ZNF704: variants seen among roughly 807,000 people sequenced by gnomAD.
ZNF704 encodes glucocorticoid induced gene 1.
In ZNF704, 10 loss-of-function variants were observed where a neutral mutation model predicts 44.7. That is an observed-to-expected ratio of 0.22 (90% CI 0.14 to 0.38). The LOEUF (loss-of-function observed/expected upper bound fraction) is 0.38. ZNF704 is among the 10% of genes least tolerant of loss of function. The pLI is 1.00. For synonymous variants in ZNF704, 211 were observed against 207.6 expected, an observed-to-expected ratio of 1.02 and a Z score of -0.14; for missense variants, 390 against 545.5, an observed-to-expected ratio of 0.71 and a Z score of 2.84.
intron 4 of ZNF704, among the ~76,000 whole-genome samples, chr8:80,671,286 C>T (rs1490219143): frequency 6.6e-6 from 1 of 152,164 alleles, no homozygotes; most frequent in African/African-American, 2.4e-5. Context: ...TGCCACCATG[C>T]CTAGCTAATT....
chr8:80,708,863 A>G (rs1425779405), intron 2 of ZNF704, among the ~76,000 whole-genome samples: 2 of 150,542 alleles, frequency 1.3e-5, no homozygotes, highest in Non-Finnish European at 3.0e-5. Context: ...GTTTTGAATT[A>G]TTAGGAAGGC....
rs5892743 is a variant in ZNF704, at chr8:80,866,721, T to TGG, written c.-22+7848_-22+7849dup. On this transcript the variant is annotated intron_variant, in intron 1 of 8. Coordinates refer to ENST00000327835, the MANE Select transcript of ZNF704 (RefSeq NM_001033723.3). ...CTCCTCTAAGCCCCTCTTGCGGGGT[T>TGG]GGGGGGGGGATACATTAATCTAACT... 6.3e-3 allele frequency among the ~76,000 whole-genome samples: 950 copies of TGG among 150,778 alleles called. 5 individuals carry two copies. Among genetic ancestry groups the TGG allele is most frequent in the African/African-American group, 0.016 (676 of 41,100 alleles).
rs1279972203 is a variant in ZNF704, at chr8:80,659,628, C to G, written c.989G>C (p.Ser330Thr). The change falls in exon 7 of 9, where the codon AGC becomes ACC. Residue 330 changes from serine to threonine, a missense_variant. Physicochemically the swap from Ser to Thr is moderately conservative, Grantham distance 58. Coordinates refer to ENST00000327835, the MANE Select transcript of ZNF704 (RefSeq NM_001033723.3). ...GACCGGAGGAGATTGCCAGGAAATG[C>G]TGAAGCTGCTGCCATTGGGGGTGAA... is the stretch of plus-strand genomic sequence containing the variant. ...AKFTPNGSSF[S>T]ISWQSPPVTF... is the part of the protein sequence containing the mutation. 6.2e-7 allele frequency: 1 copy of G among 1,613,810 alleles called. No homozygotes were observed. Among genetic ancestry groups the G allele is most frequent in the Non-Finnish European group, 8.5e-7 (1 of 1,179,930 alleles).
chr8:80,882,057 T>C, the ZNF704 span, among the ~76,000 whole-genome samples: 1 of 152,234 alleles, frequency 6.6e-6, no homozygotes, highest in Non-Finnish European at 1.5e-5. Context: ...TTTCACCACA[T>C]CTTGCTATGT....
At chr8:80,829,004 C>T (rs1586058542) in intron 1 of ZNF704, among the ~76,000 whole-genome samples, 3 of 152,272 alleles carry the variant, frequency 2.0e-5, no homozygotes, top group Admixed American at 2.0e-4. Context: ...CAGACATATA[C>T]CCAGCTCCAC....
Position 80,635,023 on chromosome 8 carries a change from T to G in ZNF704, c.*6343A>C, listed in dbSNP as rs1817644849. ...AAGTGTGCAGATTCTAAAGCCTATTTGAAACCAAGGTCTGAGTGACCTTCT... is the reference window on the plus strand; with the variant it reads ...AAGTGTGCAGATTCTAAAGCCTATTGGAAACCAAGGTCTGAGTGACCTTCT... On this transcript the variant is annotated 3_prime_UTR_variant, in exon 9 of 9. Coordinates refer to ENST00000327835, the MANE Select transcript of ZNF704 (RefSeq NM_001033723.3). 6.6e-6 allele frequency: 1 copy of G among 152,212 alleles called. No homozygotes were observed. Among genetic ancestry groups the G allele is most frequent in the African/African-American group, 2.4e-5 (1 of 41,452 alleles). The allele number at this position is 152,212 out of a possible 1,614,324, so 9.4% of individuals were successfully genotyped here. A position where few individuals can be genotyped will look rare whatever the true frequency, so the allele number is the denominator to read the frequency against.
chr8:80,719,188 C>A (rs187454092), intron 2 of ZNF704, among the ~76,000 whole-genome samples: 1 of 152,066 alleles, frequency 6.6e-6, no homozygotes, highest in Non-Finnish European at 1.5e-5. Flanking sequence ...GTTGCCCAGG[C>A]TGCTCTCAAA....
Position 80,654,719 on chromosome 8 carries a change from AG to A in ZNF704, c.1032+4865del, listed in dbSNP as rs1384531613. 1.1e-4 allele frequency among the ~76,000 whole-genome samples: 16 copies of A among 152,344 alleles called. No homozygotes were observed. In the South Asian group the frequency reaches 1.5e-3, roughly 14 times the overall value. ...GGTGCTGGAGAGGATGTGGAGAAAC[AG>A]GAACACTTTTACACTGTTGGTGGGA... On this transcript the variant is annotated intron_variant, in intron 7 of 8. Transcript: ENST00000327835.
chr8:80,726,509 T>C (rs529679369), intron 2 of ZNF704, among the ~76,000 whole-genome samples: 1 of 152,234 alleles, frequency 6.6e-6, no homozygotes, highest in African/African-American at 2.4e-5. Flanking sequence ...AAAAATAACA[T>C]CCTTTTCTGT....
chr8:80,735,582 C>T (rs59232569), intron 2 of ZNF704, among the ~76,000 whole-genome samples: 6,258 of 152,252 alleles, frequency 0.041, 451 homozygotes, highest in African/African-American at 0.14. Flanking sequence ...AGCGATGAGC[C>T]TGCTTAGCCC....
intron 1 of ZNF704, among the ~76,000 whole-genome samples, chr8:80,869,815 G>T (rs1809219890): frequency 6.6e-6 from 1 of 152,204 alleles, no homozygotes; most frequent in Admixed American, 6.5e-5. Context: ...CCATCTTGCT[G>T]GCAGGCAGGC....
chr8:80,746,643 C>T (rs149699531), intron 2 of ZNF704, among the ~76,000 whole-genome samples: 2 of 152,264 alleles, frequency 1.3e-5, no homozygotes, highest in African/African-American at 2.4e-5. Flanking sequence ...ATAGAACCTA[C>T]GTTTTCAAGT....
chr8:80,848,781 A>T (rs559902343), intron 1 of ZNF704, among the ~76,000 whole-genome samples: 1 of 152,216 alleles, frequency 6.6e-6, no homozygotes, highest in East Asian at 1.9e-4. Context: ...TCAAAAAAAA[A>T]GTTTTAAAAA....
intron 2 of ZNF704, among the ~76,000 whole-genome samples, chr8:80,783,779 C>G (rs1387842026): frequency 6.6e-6 from 1 of 152,098 alleles, no homozygotes; most frequent in East Asian, 1.9e-4. Context: ...AGGGGTCACT[C>G]TTGGTATTGT....
At chr8:80,784,987 C>G (rs545435978) in intron 2 of ZNF704, among the ~76,000 whole-genome samples, 29 of 152,308 alleles carry the variant, frequency 1.9e-4, no homozygotes, top group African/African-American at 6.5e-4. Context: ...TTTGTCACAA[C>G]TAATGAAACA....
chr8:80,783,300 T>C (rs941863750), intron 2 of ZNF704, among the ~76,000 whole-genome samples: 1 of 152,238 alleles, frequency 6.6e-6, no homozygotes, highest in East Asian at 1.9e-4. Context: ...ATTTAAATTA[T>C]GTGACTTTAG....
chr8:80,858,059 G>A (rs1223004814), intron 1 of ZNF704, among the ~76,000 whole-genome samples: 2 of 152,092 alleles, frequency 1.3e-5, no homozygotes, highest in African/African-American at 2.4e-5. Context: ...TTTAGTCACA[G>A]AAAAGTAATA....
chr8:80,634,155 C>T lies in ZNF704; in HGVS notation c.*7211G>A, dbSNP rs117202106. 1 of 152,186 alleles carries T rather than the reference C, an allele frequency of 6.6e-6. No homozygotes were observed. The highest frequency in any genetic ancestry group is 1.5e-5 in the Non-Finnish European group (1 of 68,040). The allele number at this position is 152,186 out of a possible 1,614,324, so 9.4% of individuals were successfully genotyped here. On this transcript the variant is annotated 3_prime_UTR_variant, in exon 9 of 9. Transcript: ENST00000327835. ...CTTCAGAGGCTCCTGGCAGCCTTCT[C>T]GGAAGGCACGAGGCTGCTCTTTGCC...
chr8:80,796,989 G>GAGGA lies in ZNF704; in HGVS notation c.221+24381_221+24384dup, dbSNP rs749199169. ...AAAGGGAGGGAGGGAGGGAGGGAGG[G>GAGGA]AGGAAGGAAGGAAGCAAGCAAGCAA... On this transcript the variant is annotated intron_variant, in intron 2 of 8. Transcript: ENST00000327835. Among the ~76,000 whole-genome samples, 501 of 122,088 alleles carry GAGGA rather than the reference G, an allele frequency of 4.1e-3. 1 individual carries two copies. The highest frequency in any genetic ancestry group is 7.3e-3 in the Non-Finnish European group (388 of 53,498). 80.1% of individuals were successfully genotyped at this position (122,088 alleles called of 152,430 possible).
Sources: gnomAD v4.1 joint callset for allele counts (sites outside exome capture counted in the v4.1 genomes callset) on GRCh38, gnomAD v4.1.1 for gene constraint, MANE v1.5 for transcripts, NCBI Gene and HGNC (gene_info 2026-07-23, HGNC 2026-07-21) for gene names.